Variants in PCDHGB5 observed in about 807,000 individuals in gnomAD.
PCDHGB5 encodes the protein protocadherin gamma subfamily B, 5, also known as protocadherin gamma-B5.
In PCDHGB5, 48 loss-of-function variants were observed where a neutral mutation model predicts 62.9. The observed-to-expected ratio is 0.76, with a 90% CI of 0.61 to 0.97. PCDHGB5 has a LOEUF of 0.97. PCDHGB5 is among the 50% of genes least tolerant of loss of function. The pLI is 0.00. For missense variants in PCDHGB5, 1,118 were observed against 1,198.6 expected (o/e 0.93, Z 0.99); for synonymous variants, 474 against 511.2 (o/e 0.93, Z 0.98).
At chr5:141,433,395 C>CTATA (rs1426636882) in intron 1 of PCDHGB5, among the ~76,000 whole-genome samples, 2 of 150,654 alleles carry the variant, frequency 1.3e-5, no homozygotes, top group African/African-American at 4.9e-5. Context: ...ATCTATCTAT[C>CTATA]TATCTATCTA....
intron 1 of PCDHGB5, chr5:141,409,529 G>A: frequency 6.2e-7 from 1 of 1,613,962 alleles, no homozygotes; most frequent in Middle Eastern, 1.6e-4. Context: ...CTTGTATGTC[G>A]CTGACATCAA....
At position 141,399,531 on chromosome 5, in the gene PCDHGB5, G is replaced by T. The variant is rs771221717; in HGVS notation, c.1404G>T (p.Ala468=). 24 of 1,614,052 alleles carry T rather than the reference G, an allele frequency of 1.5e-5. No homozygotes were observed. The South Asian group carries it at 2.0e-4, about 13-fold the overall frequency. ...PENNPPGASI[A]QVCASDLDLG... ...ACAACCCTCCTGGGGCCTCCATCGC[G>T]CAAGTCTGCGCCTCGGACCTGGACT... The change falls in exon 1 of 4, where the codon GCG becomes GCT. Residue 468 remains alanine (A), a synonymous_variant. Coordinates refer to ENST00000617380, the MANE Select transcript of PCDHGB5 (RefSeq NM_018925.3).
At chr5:141,428,245 C>A in intron 1 of PCDHGB5, 1 of 948,140 alleles carries the variant, frequency 1.1e-6, no homozygotes, top group South Asian at 1.4e-5. Flanking sequence ...GGAGGCACTG[C>A]CAGACTTCAG....
At chr5:141,488,239 G>A (rs576918071) in intron 1 of PCDHGB5, among the ~76,000 whole-genome samples, 3 of 152,222 alleles carry the variant, frequency 2.0e-5, no homozygotes, top group South Asian at 4.1e-4. Context: ...AACTAGATGC[G>A]GTAAATTGGA....
intron 1 of PCDHGB5, chr5:141,418,609 C>G: frequency 6.2e-7 from 1 of 1,614,026 alleles, no homozygotes. Flanking sequence ...ACAGGGTTAG[C>G]CTTCGGGAAG....
Position 141,476,114 on chromosome 5 carries a change from G to A in PCDHGB5, c.2398-18693G>A. Reference sequence around the variant, plus strand: ...CCGCTGAGAGGAACTGCTTTTGAGTGAGATGGTCCCAGAGGCCTGGAGGAG... The same window carrying A: ...CCGCTGAGAGGAACTGCTTTTGAGTAAGATGGTCCCAGAGGCCTGGAGGAG... On this transcript the variant is annotated intron_variant, in intron 1 of 3. Coordinates refer to ENST00000617380, the MANE Select transcript of PCDHGB5 (RefSeq NM_018925.3). The surrounding 1 kb of genome is among the most constrained non-coding windows in gnomAD (Gnocchi z 7.6). 6.3e-7 allele frequency: 1 copy of A among 1,592,296 alleles called. No individual in the cohort carries two copies. The highest frequency in any genetic ancestry group is 8.5e-7 in the Non-Finnish European group (1 of 1,171,536).
At position 141,489,481 on chromosome 5, in the gene PCDHGB5, A is replaced by C; in HGVS notation, c.2398-5326A>C. 6.2e-7 allele frequency: 1 copy of C among 1,614,040 alleles called. No homozygotes were observed. The highest frequency in any genetic ancestry group is 8.5e-7 in the Non-Finnish European group (1 of 1,180,004). ...GCGCTATTTTTCCCTGAGCTTGATG[A>C]GTGGTGCCCTGGCAGTGAATCAAAA... is the stretch of plus-strand genomic sequence containing the variant. On this transcript the variant is annotated intron_variant, in intron 1 of 3. Transcript: ENST00000617380. The surrounding 1 kb of genome is among the most constrained non-coding windows in gnomAD (Gnocchi z 4.5).
rs756706355 is a variant in PCDHGB5 at position 141,486,950 on chromosome 5, G to A, written c.2398-7857G>A. On this transcript the variant is annotated intron_variant, in intron 1 of 3. Transcript: ENST00000617380. This position sits in a 1 kb window ranked among gnomAD's most constrained non-coding sequence, Gnocchi z 5.0. The stretch of plus-strand genomic sequence containing the variant: ...TGGTGCTGGCCACCTAATCACAAAG[G>A]TGACTGCTGTGGACTTGGATTCAGG... 2 of 1,614,202 alleles carry A rather than the reference G, an allele frequency of 1.2e-6. No homozygotes were observed. The highest frequency in any genetic ancestry group is 1.7e-6 in the Non-Finnish European group (2 of 1,180,044).
intron 1 of PCDHGB5, among the ~76,000 whole-genome samples, chr5:141,457,274 C>T (rs1307741345): frequency 1.3e-5 from 2 of 152,200 alleles, no homozygotes; most frequent in Non-Finnish European, 2.9e-5. Context: ...CCTCTGTGGG[C>T]CTACGAAGTT....
chr5:141,453,214 A>T (rs1174586625), intron 1 of PCDHGB5, among the ~76,000 whole-genome samples: 2 of 152,058 alleles, frequency 1.3e-5, no homozygotes, highest in African/African-American at 4.8e-5. Flanking sequence ...CGTGCACTTA[A>T]GCGATCCTCC....
At position 141,485,149 on chromosome 5, in the gene PCDHGB5, A is replaced by G; in HGVS notation, c.2398-9658A>G. 6.3e-7 allele frequency: 1 copy of G among 1,578,106 alleles called. No individual in the cohort carries two copies. Among genetic ancestry groups the G allele is most frequent in the South Asian group, 1.1e-5 (1 of 89,070 alleles). ...CGGCTTCATCCGCGTCTCAGGAGCA[A>G]GTAGAGAATTAGCGGGCGGCAGCAA... On this transcript the variant is annotated intron_variant, in intron 1 of 3. Transcript: ENST00000617380. This position sits in a 1 kb window ranked among gnomAD's most constrained non-coding sequence, Gnocchi z 5.7.
Position 141,485,842 on chromosome 5 carries a change from T to G in PCDHGB5, c.2398-8965T>G. 4 of 1,614,002 alleles carry G rather than the reference T, an allele frequency of 2.5e-6. No homozygotes were observed. The highest frequency in any genetic ancestry group is 3.4e-6 in the Non-Finnish European group (4 of 1,179,982). On this transcript the variant is annotated intron_variant, in intron 1 of 3. Coordinates refer to ENST00000617380, the MANE Select transcript of PCDHGB5 (RefSeq NM_018925.3). The surrounding 1 kb of genome is among the most constrained non-coding windows in gnomAD (Gnocchi z 5.7). ...TCGATGGAGGGAACCCGCCGAGATC[T>G]GGCACCGCAGAGCTCCGGGTATCCG...
chr5:141,415,487 A>C, intron 1 of PCDHGB5: 1 of 1,614,170 alleles, frequency 6.2e-7, no homozygotes, highest in Non-Finnish European at 8.5e-7. Context: ...CGAAAGAGTC[A>C]CCTGATCTTC....
chr5:141,479,838 C>T (rs539142918), intron 1 of PCDHGB5, among the ~76,000 whole-genome samples: 1 of 152,298 alleles, frequency 6.6e-6, no homozygotes, highest in African/African-American at 2.4e-5. Context: ...GGTATCCATG[C>T]AAGGTGACTG....
At chr5:141,500,568 T>C (rs1562196424) in intron 2 of PCDHGB5, among the ~76,000 whole-genome samples, 2 of 152,190 alleles carry the variant, frequency 1.3e-5, no homozygotes, top group Admixed American at 6.5e-5. Context: ...CTTGTCACAC[T>C]TTCATGTGAC....
At chr5:141,425,159 G>T (rs557552439) in intron 1 of PCDHGB5, among the ~76,000 whole-genome samples, 1 of 152,244 alleles carries the variant, frequency 6.6e-6, no homozygotes, top group Non-Finnish European at 1.5e-5. Context: ...AGCATCTAGG[G>T]ATAGGATTTA....
intron 1 of PCDHGB5, chr5:141,479,772 G>A (rs904607838): frequency 1.3e-5 from 2 of 152,192 alleles, no homozygotes; most frequent in Non-Finnish European, 2.9e-5. Flanking sequence ...CATATCCTTA[G>A]ACAGGTAAAG....
At chr5:141,462,280 C>T (rs927977920) in intron 1 of PCDHGB5, among the ~76,000 whole-genome samples, 15 of 152,146 alleles carry the variant, frequency 9.9e-5, no homozygotes, top group African/African-American at 3.4e-4. Context: ...TGTTTAGTCA[C>T]CAAATATGTA....
At chr5:141,438,136 A>C (rs2097931548) in intron 1 of PCDHGB5, among the ~76,000 whole-genome samples, 1 of 152,186 alleles carries the variant, frequency 6.6e-6, no homozygotes, top group Non-Finnish European at 1.5e-5. Flanking sequence ...TAATGGCAAA[A>C]GATAGCCAGC....
Sources: allele counts gnomAD v4.1 joint callset (sites outside exome capture counted in the v4.1 genomes callset), GRCh38; gene constraint gnomAD v4.1.1; non-coding constraint Gnocchi (gnomAD v3.1); transcripts MANE v1.5; gene names NCBI Gene and HGNC (gene_info 2026-07-23, HGNC 2026-07-21).